ENOX1: variants seen among roughly 807,000 people sequenced by gnomAD.
ENOX1 encodes the protein candidate growth-related and time keeping constitutive hydroquinone (NADH) oxidase.
In ENOX1, 42 loss-of-function variants were observed where a neutral mutation model predicts 82.5. The observed-to-expected ratio is 0.51, with a 90% CI of 0.40 to 0.66. The LOEUF (loss-of-function observed/expected upper bound fraction) is 0.66, where lower values mean the gene tolerates loss of function less well. Among genes scored for constraint, ENOX1 ranks in the 30% least tolerant of loss-of-function variants. ENOX1 has a pLI of 0.00. For missense variants in ENOX1, 608 were observed against 811.6 expected (o/e 0.75, Z 3.05); for synonymous variants, 271 against 282.2 (o/e 0.96, Z 0.40).
intron 1 of ENOX1, among the ~76,000 whole-genome samples, chr13:43,699,767 T>C (rs968999897): frequency 6.6e-6 from 1 of 152,234 alleles, no homozygotes; most frequent in Non-Finnish European, 1.5e-5. Flanking sequence ...AGTCTGCACT[T>C]CCTTCCCCAC....
At chr13:43,631,668 G>A (rs1225982881) in intron 2 of ENOX1, among the ~76,000 whole-genome samples, 2 of 151,198 alleles carry the variant, frequency 1.3e-5, no homozygotes, top group African/African-American at 2.4e-5. Flanking sequence ...AAACAAAATC[G>A]GGAACACAAT....
At chr13:43,354,493 T>C (rs1344636369) in intron 8 of ENOX1, among the ~76,000 whole-genome samples, 1 of 149,750 alleles carries the variant, frequency 6.7e-6, no homozygotes, top group Admixed American at 6.7e-5. Flanking sequence ...TTTTAAAGCA[T>C]AGAATGTCAA....
chr13:43,344,568 T>C lies in ENOX1; in HGVS notation c.1006A>G (p.Lys336Glu). 6.2e-7 allele frequency: 1 copy of C among 1,614,222 alleles called. No homozygotes were observed. Among genetic ancestry groups the C allele is most frequent in the Non-Finnish European group, 8.5e-7 (1 of 1,180,042 alleles). ...QEMEEAKENFKNALTGILTQF... is the reference protein window; with the variant it reads ...QEMEEAKENFENALTGILTQF... ...GTGAGAATCCCAGTTAAGGCATTTT[T>C]AAAATTCTCCTTGGCTTCCTCCATC... Residue 336 changes from lysine (K) to glutamate (E), a missense_variant, in exon 9 of 17, where the codon AAA (lysine) becomes GAA (glutamate). Coordinates refer to ENST00000690772, the MANE Select transcript of ENOX1 (RefSeq NM_001347969.2).
At chr13:43,717,725 C>A (rs2088246654) in intron 1 of ENOX1, among the ~76,000 whole-genome samples, 1 of 151,936 alleles carries the variant, frequency 6.6e-6, no homozygotes, top group Non-Finnish European at 1.5e-5. Flanking sequence ...TAAAAATGAG[C>A]AAAGGACAGG....
chr13:43,326,424 A>T lies in ENOX1; in HGVS notation c.1138T>A (p.Ser380Thr). ...RKNIDIWRKHSEELRNAQSEQ... is the reference protein window; with the variant it reads ...RKNIDIWRKHTEELRNAQSEQ... ...GTAATAATAAAATCACCAACCTCAG[A>T]ATGCTTTCGCCAAATGTCTATGTTC... The change falls in exon 10 of 17, where the codon TCT becomes ACT. Residue 380 changes from serine (S) to threonine (T), a missense_variant. Ser to Thr is a moderately conservative substitution (Grantham distance 58). Coordinates refer to ENST00000690772, the MANE Select transcript of ENOX1 (RefSeq NM_001347969.2). 1 of 1,613,882 alleles carries T rather than the reference A, an allele frequency of 6.2e-7. No individual in the cohort carries two copies. The highest frequency in any genetic ancestry group is 8.5e-7 in the Non-Finnish European group (1 of 1,179,744).
chr13:43,461,005 A>G (rs1451640740), intron 3 of ENOX1, among the ~76,000 whole-genome samples: 4 of 152,248 alleles, frequency 2.6e-5, no homozygotes, highest in Admixed American at 2.6e-4. Flanking sequence ...AGATGGATAT[A>G]TGAATTTAAT....
At position 43,412,028 on chromosome 13, in the gene ENOX1, C is replaced by T. The variant is rs139717285; in HGVS notation, c.96G>A (p.Ala32=). The T allele has an allele frequency of 1.9e-5, 30 of 1,613,936 alleles. No homozygotes were observed. The highest frequency in any genetic ancestry group is 1.1e-4 in the East Asian group (5 of 44,888). The part of the protein sequence containing the change: ...AAAADGLGSI[A]IDTTQLNMSV... ...ACATGTTGAGCTGGGTCGTGTCTATCGCTATACTCCCCAAACCATCGGCTG... is the reference window on the plus strand; with the variant it reads ...ACATGTTGAGCTGGGTCGTGTCTATTGCTATACTCCCCAAACCATCGGCTG... Residue 32 remains alanine, a synonymous_variant, in exon 5 of 17, where the codon GCG becomes GCA. Coordinates refer to ENST00000690772, the MANE Select transcript of ENOX1 (RefSeq NM_001347969.2).
intron 12 of ENOX1, among the ~76,000 whole-genome samples, chr13:43,293,373 C>T (rs1315882032): frequency 6.6e-6 from 1 of 152,088 alleles, no homozygotes; most frequent in Non-Finnish European, 1.5e-5. Context: ...CCTTCTCCAC[C>T]ACAGCTACCT....
At chr13:43,375,578 G>A (rs540316567) in intron 5 of ENOX1, among the ~76,000 whole-genome samples, 1 of 152,326 alleles carries the variant, frequency 6.6e-6, no homozygotes, top group Non-Finnish European at 1.5e-5. Context: ...GTTAGAAAGT[G>A]GCAGTGTTAT....
At chr13:43,307,070 A>G (rs1177088124) in intron 11 of ENOX1, among the ~76,000 whole-genome samples, 1 of 152,218 alleles carries the variant, frequency 6.6e-6, no homozygotes, top group East Asian at 1.9e-4. Context: ...CTTCCGCCTT[A>G]GGTAAACCCT....
intron 2 of ENOX1, among the ~76,000 whole-genome samples, chr13:43,616,096 C>CCATATAGATAGATATCTA (rs1566640141): frequency 3.7e-5 from 3 of 81,986 alleles, no homozygotes; most frequent in Non-Finnish European, 5.5e-5. Context: ...ATATATATAT[C>CCATATAGATAGATATCTA]TATATAGATA....
chr13:43,532,697 T>C (rs2078282705), intron 2 of ENOX1, among the ~76,000 whole-genome samples: 1 of 152,050 alleles, frequency 6.6e-6, no homozygotes, highest in Admixed American at 6.6e-5. Flanking sequence ...ACAGGTTGAA[T>C]AGTAATGCAG....
chr13:43,564,855 G>A (rs748652520), intron 2 of ENOX1, among the ~76,000 whole-genome samples: 7 of 152,124 alleles, frequency 4.6e-5, no homozygotes, highest in Non-Finnish European at 8.8e-5. Flanking sequence ...GACTACAAAT[G>A]GGAAGGCAGA....
At chr13:43,716,990 C>T (rs1396593448) in intron 1 of ENOX1, among the ~76,000 whole-genome samples, 1 of 152,130 alleles carries the variant, frequency 6.6e-6, no homozygotes, top group Non-Finnish European at 1.5e-5. Context: ...AGATTCAGTG[C>T]TATCCCTATC....
chr13:43,497,121 A>T (rs1357462202), intron 2 of ENOX1, among the ~76,000 whole-genome samples: 1 of 152,188 alleles, frequency 6.6e-6, no homozygotes, highest in Non-Finnish European at 1.5e-5. Flanking sequence ...GAAACCTTGT[A>T]AATTCAAGAG....
At chr13:43,558,945 C>A (rs1371921022) in intron 2 of ENOX1, among the ~76,000 whole-genome samples, 1 of 152,174 alleles carries the variant, frequency 6.6e-6, no homozygotes, top group Non-Finnish European at 1.5e-5. Context: ...GAGGACAAAA[C>A]AATATGAGGA....
intron 5 of ENOX1, among the ~76,000 whole-genome samples, chr13:43,391,205 C>G (rs912618321): frequency 6.6e-6 from 1 of 152,110 alleles, no homozygotes. Context: ...GATCCCGTAA[C>G]GTTGCACACT....
At chr13:43,583,779 T>C (rs1395676084) in intron 2 of ENOX1, among the ~76,000 whole-genome samples, 2 of 152,140 alleles carry the variant, frequency 1.3e-5, no homozygotes, top group African/African-American at 4.8e-5. Flanking sequence ...GTATTACAGA[T>C]ATTTGTGTAA....
chr13:43,678,831 C>G (rs2085643126), intron 1 of ENOX1, among the ~76,000 whole-genome samples: 1 of 152,174 alleles, frequency 6.6e-6, no homozygotes, highest in Non-Finnish European at 1.5e-5. Flanking sequence ...TGACCCCTTT[C>G]ATAAGACCAA....
Sources: gnomAD v4.1 joint callset for allele counts (sites outside exome capture counted in the v4.1 genomes callset) on GRCh38, gnomAD v4.1.1 for gene constraint, MANE v1.5 for transcripts, NCBI Gene and HGNC (gene_info 2026-07-23, HGNC 2026-07-21) for gene names.